Variants in XRCC1 observed in about 807,000 individuals in gnomAD.
XRCC1 encodes DNA repair protein XRCC1.
XRCC1 carries 52 observed loss-of-function variants against 83.3 expected under a neutral mutation model. The observed-to-expected ratio is 0.62, with a 90% confidence interval of 0.50 to 0.79. The LOEUF (loss-of-function observed/expected upper bound fraction) is 0.79, where lower values mean the gene tolerates loss of function less well. Ranked by LOEUF, XRCC1 falls within the 30% of genes least tolerant of loss-of-function variation. XRCC1 has a pLI of 0.00. For synonymous variants in XRCC1, 281 were observed against 312.6 expected (o/e 0.90, Z 1.07); for missense variants, 793 against 823.5 (o/e 0.96, Z 0.45).
rs1972582028 is a variant in XRCC1 at position 43,552,055 on chromosome 19, C to G, written c.1044G>C (p.Lys348Asn). The change falls in exon 9 of 17, where the codon AAG becomes AAC. Residue 348 changes from lysine to asparagine, a missense_variant. By Grantham distance (94) the Lys-to-Asn change is moderately conservative. Coordinates refer to ENST00000262887, the MANE Select transcript of XRCC1 (RefSeq NM_006297.3). ...LRDKALELGA[K>N]YRPDWTRDST... ...TGTCCCGGGTCCAGTCTGGCCGATA[C>G]TTGGCCCCAAGCTCTAGGGCCTTAT... is the stretch of plus-strand genomic sequence containing the variant. 1.9e-6 allele frequency: 3 copies of G among 1,613,994 alleles called. No individual in the cohort carries two copies. The highest frequency in any genetic ancestry group is 1.7e-5 in the Admixed American group (1 of 59,992).
At chr19:43,555,382 G>A (rs1972625752) in intron 3 of XRCC1, 1 of 152,266 alleles carries the variant, frequency 6.6e-6, no homozygotes, top group Non-Finnish European at 1.5e-5. Flanking sequence ...AAGAGAGAGA[G>A]TTTGCAAGGC....
At chr19:43,547,199 T>C in intron 10 of XRCC1, among the ~76,000 whole-genome samples, 1 of 151,784 alleles carries the variant, frequency 6.6e-6, no homozygotes. Context: ...CTCCCTCTTT[T>C]TTTTTTTGAG....
In XRCC1 at chr19:43,543,504, G is replaced by A. The variant is rs755281928; in HGVS notation, c.1790C>T (p.Ala597Val). Residue 597 changes from alanine to valine, a missense_variant and splice_region_variant, in exon 17 of 17, where the codon GCC becomes GTC. Ala to Val is a moderately conservative substitution (Grantham distance 64). Coordinates refer to ENST00000262887, the MANE Select transcript of XRCC1 (RefSeq NM_006297.3). ...AQEWDPSFEE[A>V]LMDNPSLAFV... The stretch of plus-strand genomic sequence containing the variant: ...TGCCAGGGAGGGGTTGTCCATCAGG[G>A]CCTGCAGGGTGGGGTGGAGTCCATA... 14 of 1,613,874 alleles carry A rather than the reference G, an allele frequency of 8.7e-6. No homozygotes were observed. In the South Asian group the frequency reaches 1.3e-4, roughly 15 times the overall value.
chr19:43,555,477 T>A (rs1972626919), intron 3 of XRCC1: 1 of 152,222 alleles, frequency 6.6e-6, no homozygotes, highest in South Asian at 2.1e-4. Flanking sequence ...GCTGCAGTGG[T>A]TCCTGCCTGC....
At chr19:43,566,616 C>A (rs1341257324) in intron 2 of XRCC1, among the ~76,000 whole-genome samples, 1 of 151,290 alleles carries the variant, frequency 6.6e-6, no homozygotes, top group African/African-American at 2.4e-5. Context: ...TGGTGGCTCA[C>A]GCCTGTAATC....
At position 43,545,821 on chromosome 19, in the gene XRCC1, G is replaced by C. The variant is rs1972502486; in HGVS notation, c.1618C>G (p.Pro540Ala). Residue 540 changes from proline to alanine, a missense_variant, in exon 14 of 17, where the codon CCA (proline) becomes GCA (alanine). Coordinates refer to ENST00000262887, the MANE Select transcript of XRCC1 (RefSeq NM_006297.3). ...EPPDLPVPEL[P>A]DFFQGKHFFL... ...GAGGGATGGGGGGATTTCCCACCTG[G>C]GAGCTCAGGGACTGGCAGATCAGGA... is the stretch of plus-strand genomic sequence containing the variant. 1 of 1,613,484 alleles carries C rather than the reference G, an allele frequency of 6.2e-7. No homozygotes were observed. The highest frequency in any genetic ancestry group is 1.7e-5 in the Admixed American group (1 of 59,924).
At chr19:43,573,728 AG>A (rs1197975609) in intron 2 of XRCC1, among the ~76,000 whole-genome samples, 1 of 151,644 alleles carries the variant, frequency 6.6e-6, no homozygotes, top group African/African-American at 2.4e-5. Flanking sequence ...AAAAAAAACT[AG>A]CCAGGCATGG....
At chr19:43,558,559 G>A (rs1972662910) in intron 3 of XRCC1, among the ~76,000 whole-genome samples, 1 of 151,978 alleles carries the variant, frequency 6.6e-6, no homozygotes, top group South Asian at 2.1e-4. Context: ...AGCCCAGGAG[G>A]CAGAGGTTGC....
At chr19:43,551,746 C>T (rs25486) in intron 9 of XRCC1, 59 bp from the exon 10 acceptor site, 856,760 of 1,315,072 alleles carry the variant, frequency 0.65, 280,867 homozygotes, top group African/African-American at 0.77. Context: ...CAAAGGGGAA[C>T]GAGACAGGGG....
chr19:43,562,572 T>C (rs1250375181), intron 2 of XRCC1, among the ~76,000 whole-genome samples: 1 of 152,150 alleles, frequency 6.6e-6, no homozygotes, highest in East Asian at 1.9e-4. Context: ...AGCCAGACCT[T>C]GTCTCTACAA....
chr19:43,552,102 G>A lies in XRCC1; in HGVS notation c.997C>T (p.Pro333Ser). Residue 333 changes from proline (P) to serine (S), a missense_variant, in exon 9 of 17, where the codon CCC becomes TCC. Coordinates refer to ENST00000262887, the MANE Select transcript of XRCC1 (RefSeq NM_006297.3). ...TTATCTCGCAGCTCGGAGCGGAAGG[G>A]GTTCTGGAAGCCACTCAGCACCACT... ...VVVVLSGFQN[P>S]FRSELRDKAL... 1.9e-6 allele frequency: 3 copies of A among 1,614,082 alleles called. No individual in the cohort carries two copies. The highest frequency in any genetic ancestry group is 2.5e-6 in the Non-Finnish European group (3 of 1,180,002).
At chr19:43,554,533 C>T (rs1972615101) in intron 4 of XRCC1, 113 bp downstream of exon 4, 2 of 1,353,734 alleles carry the variant, frequency 1.5e-6, no homozygotes, top group Admixed American at 4.8e-5. Flanking sequence ...CCCCATAATC[C>T]CATGGGACAC....
At chr19:43,568,166 C>T (rs1299361224) in intron 2 of XRCC1, among the ~76,000 whole-genome samples, 5 of 151,854 alleles carry the variant, frequency 3.3e-5, no homozygotes, top group Non-Finnish European at 5.9e-5. Flanking sequence ...AGCCACCGCG[C>T]CCGGCCATGA....
intron 2 of XRCC1, among the ~76,000 whole-genome samples, chr19:43,565,899 C>T (rs1466089147): frequency 1.3e-5 from 2 of 151,930 alleles, no homozygotes; most frequent in Non-Finnish European, 2.9e-5. Context: ...AGACGAGCCA[C>T]TACACCCCAG....
Position 43,548,766 on chromosome 19 carries a change from C to CAAAAAAAAAA in XRCC1, c.1200-1799_1200-1790dup, listed in dbSNP as rs60740505. Among the ~76,000 whole-genome samples the CAAAAAAAAAA allele has an allele frequency of 3.0e-3, 191 of 64,486 alleles. 7 individuals are homozygous for CAAAAAAAAAA. The highest frequency in any genetic ancestry group is 7.0e-3 in the South Asian group (12 of 1,726). 42.3% of individuals were successfully genotyped at this position (64,486 alleles called of 152,430 possible). ...TCTGTGAGAAACACCCAAGAATGAT[C>CAAAAAAAAAA]AAAAAAAAAAAAAAAAAAAACACAA... On this transcript the variant is annotated intron_variant, in intron 10 of 16. Coordinates refer to ENST00000262887, the MANE Select transcript of XRCC1 (RefSeq NM_006297.3).
At chr19:43,548,181 C>A (rs1342000981) in intron 10 of XRCC1, among the ~76,000 whole-genome samples, 2 of 150,096 alleles carry the variant, frequency 1.3e-5, no homozygotes, top group East Asian at 2.0e-4. Context: ...CCGGCCGCCG[C>A]CCCGTCCGGG....
intron 10 of XRCC1, among the ~76,000 whole-genome samples, chr19:43,548,385 T>C (rs1344334539): frequency 2.0e-5 from 3 of 152,222 alleles, no homozygotes; most frequent in Non-Finnish European, 2.9e-5. Flanking sequence ...TGTGTCTGTG[T>C]AGAAAGAAGT....
chr19:43,558,244 A>T (rs2146058375), intron 3 of XRCC1, among the ~76,000 whole-genome samples: 1 of 152,230 alleles, frequency 6.6e-6, no homozygotes, highest in Admixed American at 6.5e-5. Context: ...CTGTGGAAGG[A>T]GGATCACTTG....
In XRCC1 at chr19:43,553,630, A is replaced by C; in HGVS notation, c.468T>G (p.Asp156Glu). 1 of 1,576,736 alleles carries C rather than the reference A, an allele frequency of 6.3e-7. No homozygotes were observed. Residue 156 changes from aspartate to glutamate, a missense_variant, in exon 5 of 17, where the codon GAT becomes GAG. By Grantham distance (45) the Asp-to-Glu change is conservative (BLOSUM62 2). Transcript: ENST00000262887. Reference sequence around the variant, plus strand: ...TTACCTGGGACGGGGCCTCTGCCTCATCTTTGTCTGGGGGGCTATGAAACC... The same window carrying C: ...TTACCTGGGACGGGGCCTCTGCCTCCTCTTTGTCTGGGGGGCTATGAAACC... ...FVRFHSPPDK[D>E]EAEAPSQKVT...
Sources: allele counts gnomAD v4.1 joint callset (sites outside exome capture counted in the v4.1 genomes callset), GRCh38; gene constraint gnomAD v4.1.1; transcripts MANE v1.5; gene names NCBI Gene and HGNC (gene_info 2026-07-23, HGNC 2026-07-21).